GABRR2: variants seen among roughly 807,000 people sequenced by gnomAD.
The protein encoded by GABRR2 is gamma-aminobutyric acid receptor subunit rho-2.
GABRR2 carries 36 observed loss-of-function variants against 47.0 expected under a neutral mutation model. The ratio of observed to expected loss-of-function variants is 0.77; its 90% CI spans 0.59 to 1.01. The LOEUF is 1.01. Ranked by LOEUF, GABRR2 falls within the 50% of genes least tolerant of loss-of-function variation. The pLI is 0.00. For missense variants in GABRR2, 587 were observed against 594.6 expected, an observed-to-expected ratio of 0.99 and a Z score of 0.13; for synonymous variants, 204 against 227.5, an observed-to-expected ratio of 0.90 and a Z score of 0.93.
At chr6:89,300,737 G>A (rs1043495172) in intron 1 of GABRR2, among the ~76,000 whole-genome samples, 2 of 71,062 alleles carry the variant, frequency 2.8e-5, no homozygotes, top group Middle Eastern at 0.012. Flanking sequence ...AATAAATAGC[G>A]TACCAACCAA....
intron 2 of GABRR2, among the ~76,000 whole-genome samples, chr6:89,286,106 GTTT>G (rs1774331933): frequency 6.6e-6 from 1 of 152,120 alleles, no homozygotes; most frequent in Non-Finnish European, 1.5e-5. Context: ...TGGCCTAAAT[GTTT>G]TTCAATGCCT....
intron 1 of GABRR2, among the ~76,000 whole-genome samples, chr6:89,304,588 CA>C (rs59138754): frequency 0.44 from 55,432 of 126,332 alleles, 11,215 homozygotes; most frequent in East Asian, 0.7. Context: ...GACTCCATCT[CA>C]AAAAAAAGAA....
chr6:89,270,090 C>G (rs1774013944), intron 3 of GABRR2, among the ~76,000 whole-genome samples: 1 of 152,174 alleles, frequency 6.6e-6, no homozygotes, highest in Non-Finnish European at 1.5e-5. Flanking sequence ...GAGAGTCTGT[C>G]CCTAGACTGA....
chr6:89,281,809 G>A (rs1353766942), intron 2 of GABRR2, among the ~76,000 whole-genome samples: 2 of 152,124 alleles, frequency 1.3e-5, no homozygotes, highest in Non-Finnish European at 2.9e-5. Flanking sequence ...AGGTCCAAAG[G>A]ATCTCATCTG....
intron 8 of GABRR2, among the ~76,000 whole-genome samples, chr6:89,262,650 C>A (rs1013134383): frequency 4.6e-5 from 7 of 152,212 alleles, no homozygotes; most frequent in Non-Finnish European, 1.0e-4. Context: ...GCAACATATT[C>A]TCTTTTCCTA....
chr6:89,280,211 A>AATATATATATATATATAT (rs35295435), intron 2 of GABRR2, among the ~76,000 whole-genome samples: 14 of 110,418 alleles, frequency 1.3e-4, no homozygotes, highest in South Asian at 3.0e-4. Flanking sequence ...TCTAAAAACA[A>AATATATATATATATATAT]ATATATATAT....
intron 2 of GABRR2, among the ~76,000 whole-genome samples, chr6:89,280,271 C>A (rs1470290006): frequency 7.4e-6 from 1 of 135,112 alleles, no homozygotes; most frequent in Non-Finnish European, 1.6e-5. Flanking sequence ...TATACATATA[C>A]ACATACACAC....
At chr6:89,303,081 G>A (rs1767485184) in intron 1 of GABRR2, 3 of 797,450 alleles carry the variant, frequency 3.8e-6, no homozygotes, top group Non-Finnish European at 5.9e-6. Flanking sequence ...TCGCAGATGA[G>A]GAGGAGGAAT....
intron 1 of GABRR2, among the ~76,000 whole-genome samples, chr6:89,310,700 C>T (rs1230049938): frequency 2.3e-5 from 3 of 129,808 alleles, no homozygotes; most frequent in East Asian, 2.3e-4. Context: ...TTTGAAGTGG[C>T]GTAGGTTGAA....
In GABRR2 at chr6:89,315,218, C is replaced by T. The variant is rs772928894; in HGVS notation, c.-53G>A. 2 of 1,611,292 alleles carry T rather than the reference C, an allele frequency of 1.2e-6. No individual in the cohort carries two copies. On this transcript the variant is annotated 5_prime_UTR_variant, in exon 1 of 9. Transcript: ENST00000402938. ...TGCTTTCCAGTAGCCTGTGGCAGAG[C>T]AAATCCCCCCTGGCTTGACCATTGA...
chr6:89,309,698 C>G (rs567511664), intron 1 of GABRR2, among the ~76,000 whole-genome samples: 72 of 152,260 alleles, frequency 4.7e-4, no homozygotes, highest in Non-Finnish European at 9.0e-4. Flanking sequence ...CAGCATCCCC[C>G]CTGGGTTGGT....
chr6:89,258,090 G>T, intron 8 of GABRR2, 109 bp from the exon 9 acceptor site: 1 of 1,018,884 alleles, frequency 9.8e-7, no homozygotes, highest in Non-Finnish European at 1.4e-6. Flanking sequence ...CAGAAAGATA[G>T]AACTAGAAAG....
rs546575809 is a variant in GABRR2, at chr6:89,262,546, A to G, written c.1086+1866T>C. 9.2e-5 allele frequency among the ~76,000 whole-genome samples: 14 copies of G among 152,268 alleles called. No individual in the cohort carries two copies. The East Asian group carries it at 2.3e-3, about 25-fold the overall frequency. ...TAAGAAATAAAGTCTCCTTTTTCAA[A>G]TTTATAAATTTCTGATTTTTTTAAA... On this transcript the variant is annotated intron_variant, in intron 8 of 8. Coordinates refer to ENST00000402938, the MANE Select transcript of GABRR2 (RefSeq NM_002043.5).
intron 2 of GABRR2, among the ~76,000 whole-genome samples, chr6:89,278,163 G>A (rs12213221): frequency 7.9e-5 from 12 of 152,036 alleles, no homozygotes; most frequent in Admixed American, 3.3e-4. Context: ...GAATATGTAC[G>A]GTATGCTTTC....
intron 2 of GABRR2, among the ~76,000 whole-genome samples, chr6:89,291,888 T>C (rs1424239731): frequency 6.6e-6 from 1 of 152,152 alleles, no homozygotes; most frequent in Non-Finnish European, 1.5e-5. Context: ...GGGCAGCCCT[T>C]CCCTTGTGCC....
In GABRR2 at chr6:89,307,814, CT is replaced by C. The variant is rs1247224346; in HGVS notation, c.113+7238del. Among the ~76,000 whole-genome samples the C allele has an allele frequency of 9.5e-3, 1,194 of 125,278 alleles. 5 individuals carry two copies. The highest frequency in any genetic ancestry group is 0.024 in the African/African-American group (763 of 31,570). The allele number at this position is 125,278 out of a possible 152,430, so 82.2% of individuals were successfully genotyped here. ...CCCTGTTCTTGTCAAACTTCATTCA[CT>C]TTTTTTTTTTTTTTTTTTTTGAGAT... On this transcript the variant is annotated intron_variant, in intron 1 of 8. Coordinates refer to ENST00000402938, the MANE Select transcript of GABRR2 (RefSeq NM_002043.5).
At chr6:89,303,979 T>TAAAAAAA (rs1335378818) in intron 1 of GABRR2, among the ~76,000 whole-genome samples, 3 of 152,102 alleles carry the variant, frequency 2.0e-5, no homozygotes, top group African/African-American at 7.2e-5. Context: ...TACTGAAGTA[T>TAAAAAAA]AAAACTCAAA....
chr6:89,277,463 CT>C (rs2127838104), intron 2 of GABRR2, among the ~76,000 whole-genome samples: 1 of 152,160 alleles, frequency 6.6e-6, no homozygotes, highest in South Asian at 2.1e-4. Context: ...TAAATAACTC[CT>C]AAGAGTTCCA....
intron 2 of GABRR2, among the ~76,000 whole-genome samples, chr6:89,292,788 G>C (rs1341786724): frequency 2.1e-3 from 20 of 9,364 alleles, no homozygotes; most frequent in East Asian, 0.067. Flanking sequence ...TCGTATATAC[G>C]ATATATCGTA....
Sources: allele counts gnomAD v4.1 joint callset (sites outside exome capture counted in the v4.1 genomes callset), GRCh38; gene constraint gnomAD v4.1.1; transcripts MANE v1.5; gene names NCBI Gene and HGNC (gene_info 2026-07-23, HGNC 2026-07-21).